CNPPD1: variants seen among roughly 807,000 people sequenced by gnomAD.
CNPPD1 encodes the protein cyclin Pas1/PHO80 domain containing 1.
CNPPD1 carries 40 observed loss-of-function variants against 43.7 expected under a neutral mutation model. That is an observed-to-expected ratio of 0.92 (90% CI 0.71 to 1.19). The LOEUF (loss-of-function observed/expected upper bound fraction) is 1.19, where lower values mean the gene tolerates loss of function less well. Among genes scored for constraint, CNPPD1 ranks in the 50% most tolerant of loss-of-function variants. The pLI, the probability that CNPPD1 is intolerant of heterozygous loss-of-function variation, is 0.00. For synonymous variants in CNPPD1, 208 were observed against 214.3 expected, an observed-to-expected ratio of 0.97 and a Z score of 0.26; for missense variants, 511 against 518.5, an observed-to-expected ratio of 0.99 and a Z score of 0.14.
upstream of CNPPD1, chr2:219,178,059 C>A: frequency 5.2e-6 from 1 of 192,844 alleles, no homozygotes; most frequent in Non-Finnish European, 1.1e-5. Context: ...AAAACGGGCT[C>A]GACTGCCTGG....
chr2:219,175,559 C>T, intron 3 of CNPPD1, 32 bp downstream of exon 3: 4 of 1,551,864 alleles, frequency 2.6e-6, no homozygotes, highest in Non-Finnish European at 3.6e-6. Context: ...AGGGCCCAAA[C>T]ACTCTCATCC....
intron 1 of CNPPD1, 116 bp from the exon 2 acceptor site, chr2:219,176,447 G>A (rs771817098): frequency 3.0e-4 from 239 of 795,236 alleles, no homozygotes; most frequent in Non-Finnish European, 4.6e-4. Flanking sequence ...TAGGGGGCCC[G>A]TGCCTTACCC....
rs528304201 is a variant in CNPPD1, at chr2:219,172,431, T to A, written c.*155A>T. The stretch of plus-strand genomic sequence containing the variant: ...ACTGCGATCTAGGAGTGAATTACCT[T>A]CAGTCCTTCTGCCCCACCACCCCAT... On this transcript the variant is annotated 3_prime_UTR_variant, in exon 8 of 8. Transcript: ENST00000360507. 1.3e-6 allele frequency: 1 copy of A among 783,484 alleles called. No individual in the cohort carries two copies. Among genetic ancestry groups the A allele is most frequent in the East Asian group, 2.4e-5 (1 of 40,994 alleles). The allele number at this position is 783,484 out of a possible 1,614,324, so 48.5% of individuals were successfully genotyped here.
upstream of CNPPD1, chr2:219,177,112 G>A (rs1950185958): frequency 5.5e-6 from 2 of 362,394 alleles, no homozygotes; most frequent in East Asian, 8.6e-5. Flanking sequence ...ACCTCGCGGA[G>A]CAGAAAGGAG....
chr2:219,174,828 C>A lies in CNPPD1; in HGVS notation c.460G>T (p.Val154Leu). The A allele has an allele frequency of 6.2e-7, 1 of 1,613,820 alleles. No homozygotes were observed. The highest frequency in any genetic ancestry group is 1.1e-5 in the South Asian group (1 of 91,036). Residue 154 changes from valine to leucine, a missense_variant, in exon 5 of 8, where the codon GTG (valine) becomes TTG (leucine). Physicochemically the swap from Val to Leu is conservative, Grantham distance 32. Coordinates refer to ENST00000360507, the MANE Select transcript of CNPPD1 (RefSeq NM_015680.6). ...AAGGCATTGAGAGTGGGCACGGCCA[C>A]ACCCCCAGCAGCTCCCCATTCGTCG... ...FNDEWGAAGG[V>L]AVPTLNALER... is the part of the protein sequence containing the mutation.
chr2:219,174,875 C>T lies in CNPPD1; in HGVS notation c.413G>A (p.Gly138Glu). 1 of 1,614,162 alleles carries T rather than the reference C, an allele frequency of 6.2e-7. No individual in the cohort carries two copies. The highest frequency in any genetic ancestry group is 8.5e-7 in the Non-Finnish European group (1 of 1,180,026). ...GTCGTTGAAGACCTCCTCCTCCTCC[C>T]CTTCATCATAGAGGTACTTACTGGC... ...MVASKYLYDE[G>E]EEEEVFNDEW... is the part of the protein sequence containing the mutation. The change falls in exon 5 of 8, where the codon GGG becomes GAG. Residue 138 changes from glycine (G) to glutamate (E), a missense_variant. Physicochemically the swap from Gly to Glu is moderately conservative, Grantham distance 98 (BLOSUM62 -2). Coordinates refer to ENST00000360507, the MANE Select transcript of CNPPD1 (RefSeq NM_015680.6).
At chr2:219,176,093 T>C in intron 2 of CNPPD1, 130 bp downstream of exon 2, 1 of 684,394 alleles carries the variant, frequency 1.5e-6, no homozygotes, top group Non-Finnish European at 2.6e-6. Flanking sequence ...ACTGCCCTCT[T>C]GAACCAAGTA....
At position 219,174,249 on chromosome 2, in the gene CNPPD1, G is replaced by A. The variant is rs765937260; in HGVS notation, c.511-42C>T. The A allele has an allele frequency of 8.2e-6, 13 of 1,587,612 alleles. No individual in the cohort carries two copies. The South Asian group carries it at 1.2e-4, about 15-fold the overall frequency. On this transcript the variant is annotated intron_variant, in intron 5 of 7. Transcript: ENST00000360507. Reference sequence around the variant, plus strand: ...TGGACATCAAACCAGACTTGGATGAGCCACAGTCATTTAATAATAAGAGCC... The same window carrying A: ...TGGACATCAAACCAGACTTGGATGAACCACAGTCATTTAATAATAAGAGCC...
In CNPPD1 at chr2:219,174,823, G is replaced by A. The variant is rs751634975; in HGVS notation, c.465C>T (p.Ala155=). The change falls in exon 5 of 8, where the codon GCC becomes GCT. Residue 155 remains alanine (A), a synonymous_variant. Transcript: ENST00000360507. ...NDEWGAAGGV[A]VPTLNALERG... ...TCTCCAAGGCATTGAGAGTGGGCAC[G>A]GCCACACCCCCAGCAGCTCCCCATT... The A allele has an allele frequency of 1.2e-4, 196 of 1,613,254 alleles. 1 individual carries two copies. Among genetic ancestry groups the A allele is most frequent in the Admixed American group, 3.3e-4 (20 of 59,936 alleles).
rs745335163 is a variant in CNPPD1 at position 219,173,436 on chromosome 2, A to G, written c.604T>C (p.Trp202Arg). 5 of 1,613,866 alleles carry G rather than the reference A, an allele frequency of 3.1e-6. No individual in the cohort carries two copies. In the East Asian group the frequency reaches 8.9e-5, roughly 29 times the overall value. The change falls in exon 7 of 8, where the codon TGG (tryptophan) becomes CGG (arginine). Residue 202 changes from tryptophan (W) to arginine (R), a missense_variant. Transcript: ENST00000360507. ...ACACACAGGTCTGTGTAGGTGTACC[A>G]GCCTCGCCACCGTCCCTGCTGCTCA... ...VAEQQGRWRG[W>R]YTYTDLCVLL...
chr2:219,178,091 C>T, upstream of CNPPD1: 3 of 227,986 alleles, frequency 1.3e-5, no homozygotes, highest in Non-Finnish European at 8.4e-6. Context: ...GACTCGGAAC[C>T]CGGGGTACTT....
At chr2:219,176,662 CG>C in intron 1 of CNPPD1, 97 bp downstream of exon 1, 1 of 958,420 alleles carries the variant, frequency 1.0e-6, no homozygotes, top group South Asian at 1.6e-5. Context: ...GAGCAGCTGC[CG>C]CCCAGTCCCG....
Position 219,172,772 on chromosome 2 carries a change from G to A in CNPPD1, c.1047C>T (p.Cys349=). The A allele has an allele frequency of 6.2e-7, 1 of 1,608,692 alleles. No homozygotes were observed. The highest frequency in any genetic ancestry group is 2.2e-5 in the East Asian group (1 of 44,802). The stretch of plus-strand genomic sequence containing the variant: ...TACGGTTGGGGTGGAGGCAGGCATG[G>A]CAGGTTGGGGAGTCTCTCTGGAGCT... ...CQKLQRDSPT[C]HACLHPNRTV... is the part of the protein sequence containing the mutation. The change falls in exon 8 of 8, where the codon TGC becomes TGT. Residue 349 remains cysteine (C), a synonymous_variant. Transcript: ENST00000360507.
chr2:219,176,282 T>C lies in CNPPD1; in HGVS notation c.119A>G (p.Tyr40Cys), dbSNP rs2106389233. The change falls in exon 2 of 8, where the codon TAC (tyrosine) becomes TGC (cysteine). Residue 40 changes from tyrosine (Y) to cysteine (C), a missense_variant. Coordinates refer to ENST00000360507, the MANE Select transcript of CNPPD1 (RefSeq NM_015680.6). ...GTCGGCTTCCCAGTCCCAGCCATAGTAGAGCCTCCTTCGGATCCGGGCACT... is the reference window on the plus strand; with the variant it reads ...GTCGGCTTCCCAGTCCCAGCCATAGCAGAGCCTCCTTCGGATCCGGGCACT... ...KLSARIRRRL[Y>C]YGWDWEADCS... The C allele has an allele frequency of 3.7e-6, 6 of 1,614,196 alleles. No homozygotes were observed. In the East Asian group the frequency reaches 1.1e-4, roughly 30 times the overall value.
Position 219,172,784 on chromosome 2 carries a change from G to A in CNPPD1, c.1035C>T (p.Asp345=). 6.2e-7 allele frequency: 1 copy of A among 1,607,270 alleles called. No individual in the cohort carries two copies. The highest frequency in any genetic ancestry group is 8.5e-7 in the Non-Finnish European group (1 of 1,176,612). Residue 345 remains aspartate, a synonymous_variant, in exon 8 of 8, where the codon GAC becomes GAT. Transcript: ENST00000360507. ...GGAGGCAGGCATGGCAGGTTGGGGA[G>A]TCTCTCTGGAGCTTCTGGCAAAGGT... ...NCHLCQKLQR[D]SPTCHACLHP...
chr2:219,176,766 G>C lies in CNPPD1; in HGVS notation c.63C>G (p.Asp21Glu). The C allele has an allele frequency of 6.3e-7, 1 of 1,578,488 alleles. No individual in the cohort carries two copies. The highest frequency in any genetic ancestry group is 2.3e-5 in the East Asian group (1 of 42,916). ...EGTFSLAGFQ[D>E]FTFLPGHQKL... Reference sequence around the variant, plus strand: ...GGGCGGGACCCCCACTCACCGTGAAGTCCTGGAAGCCGGCGAGGGAGAAGG... The same window carrying C: ...GGGCGGGACCCCCACTCACCGTGAACTCCTGGAAGCCGGCGAGGGAGAAGG... Residue 21 changes from aspartate to glutamate, a missense_variant, in exon 1 of 8, where the codon GAC (aspartate) becomes GAG (glutamate). Asp to Glu is a conservative substitution (Grantham distance 45, BLOSUM62 2). Coordinates refer to ENST00000360507, the MANE Select transcript of CNPPD1 (RefSeq NM_015680.6).
intron 3 of CNPPD1, 51 bp downstream of exon 3, chr2:219,175,540 C>T (rs1412541167): frequency 7.0e-7 from 1 of 1,433,508 alleles, no homozygotes; most frequent in Non-Finnish European, 9.7e-7. Flanking sequence ...AGACGATTCC[C>T]CTTTCTCTAG....
In CNPPD1 at chr2:219,172,903, G is replaced by A. The variant is rs1242404184; in HGVS notation, c.916C>T (p.Arg306Trp). 3.7e-6 allele frequency: 6 copies of A among 1,610,006 alleles called. No individual in the cohort carries two copies. The highest frequency in any genetic ancestry group is 1.1e-5 in the South Asian group (1 of 90,556). ...SSCLEGSMGLRSLWGSLLASL... is the reference protein window; with the variant it reads ...SSCLEGSMGLWSLWGSLLASL... The stretch of plus-strand genomic sequence containing the variant: ...GCCAGAAGACTGCCCCAGAGTGACC[G>A]CAGCCCCATGCTGCCTTCCAGGCAG... Residue 306 changes from arginine to tryptophan, a missense_variant, in exon 8 of 8, where the codon CGG (arginine) becomes TGG (tryptophan). Physicochemically the swap from Arg to Trp is moderately radical, Grantham distance 101 (BLOSUM62 -3). Transcript: ENST00000360507.
chr2:219,177,953 G>A (rs10170244), upstream of CNPPD1: 74,786 of 153,532 alleles, frequency 0.49, 19,809 homozygotes, highest in Non-Finnish European at 0.6. Context: ...AGACCCTACC[G>A]GGGATACTGG....
Sources: gnomAD v4.1 joint callset for allele counts on GRCh38, gnomAD v4.1.1 for gene constraint, MANE v1.5 for transcripts, NCBI Gene and HGNC (gene_info 2026-07-23, HGNC 2026-07-21) for gene names.